C2CD3: variants seen among roughly 807,000 people sequenced by gnomAD.
C2CD3 encodes the protein C2 domain-containing protein 3.
C2CD3 carries 148 observed loss-of-function variants against 234.0 expected under a neutral mutation model. The ratio of observed to expected loss-of-function variants is 0.63; its 90% confidence interval spans 0.55 to 0.72. The LOEUF (loss-of-function observed/expected upper bound fraction) is 0.72, where lower values mean the gene tolerates loss of function less well. Ranked by LOEUF, C2CD3 falls within the 30% of genes least tolerant of loss-of-function variation. The pLI, the probability that C2CD3 is intolerant of heterozygous loss-of-function variation, is 0.00. For missense variants in C2CD3, 2,577 were observed against 2,811.5 expected, an observed-to-expected ratio of 0.92 and a Z score of 1.89; for synonymous variants, 1,000 against 1,035.4, an observed-to-expected ratio of 0.97 and a Z score of 0.66.
chr11:74,139,603 A>T lies in C2CD3; in HGVS notation c.707+2T>A. ...TTGACTGGTATTAGGTATGGTAATTACCTCGGAGTGGTTGATCTACTGCTG... is the reference window on the plus strand; with the variant it reads ...TTGACTGGTATTAGGTATGGTAATTTCCTCGGAGTGGTTGATCTACTGCTG... On this transcript the variant is annotated splice_donor_variant, in intron 4 of 32. Coordinates refer to ENST00000334126, the MANE Select transcript of C2CD3 (RefSeq NM_001286577.2). LOFTEE classifies it high-confidence loss of function. 1 of 1,598,502 alleles carries T rather than the reference A, an allele frequency of 6.3e-7. No homozygotes were observed. Among genetic ancestry groups the T allele is most frequent in the Non-Finnish European group, 8.6e-7 (1 of 1,165,918 alleles).
At chr11:74,114,207 G>C (rs923515025) in intron 10 of C2CD3, among the ~76,000 whole-genome samples, 177 bp downstream of exon 10, 7 of 151,834 alleles carry the variant, frequency 4.6e-5, no homozygotes, top group Admixed American at 4.6e-4. Context: ...ATTTTCTTTA[G>C]TCCCATACTT....
chr11:74,023,954 A>T (rs1293683481), intron 32 of C2CD3, among the ~76,000 whole-genome samples: 1 of 152,224 alleles, frequency 6.6e-6, no homozygotes. Flanking sequence ...ACAACAGTAA[A>T]TCATGAAGCA....
intron 2 of C2CD3, among the ~76,000 whole-genome samples, chr11:74,162,631 A>G (rs983055535): frequency 9.9e-5 from 15 of 152,216 alleles, no homozygotes; most frequent in African/African-American, 3.4e-4. Context: ...TCAAAAGAAC[A>G]ATAAAGATTC....
rs1363290865 is a variant in C2CD3 at position 74,161,637 on chromosome 11, C to T, written c.326-81G>A. Reference sequence around the variant, plus strand: ...TAAGACGTGGGTAGAGGGGTATATGCGGAAAAGCTTTCTAACTTGAAAAAA... The same window carrying T: ...TAAGACGTGGGTAGAGGGGTATATGTGGAAAAGCTTTCTAACTTGAAAAAA... On this transcript the variant is annotated intron_variant, in intron 2 of 32. Transcript: ENST00000334126. The T allele has an allele frequency of 2.1e-5, 18 of 860,306 alleles. No homozygotes were observed. In the East Asian group the frequency reaches 2.3e-4, roughly 11 times the overall value. 53.3% of individuals were successfully genotyped at this position (860,306 alleles called of 1,614,324 possible).
Position 74,051,304 on chromosome 11 carries a change from A to AG in C2CD3, c.5156-1763_5156-1762insC, listed in dbSNP as rs375628503. 1.4e-3 allele frequency among the ~76,000 whole-genome samples: 208 copies of AG among 151,930 alleles called. 4 individuals are homozygous for AG. Among genetic ancestry groups the AG allele is most frequent in the African/African-American group, 4.3e-3 (176 of 41,386 alleles). On this transcript the variant is annotated intron_variant, in intron 26 of 32. Transcript: ENST00000334126. Reference sequence around the variant, plus strand: ...AGTGAGATCTTGTCTCAAAAAAGAAAAAAAAAAAAAGATCCCCTTCAACTT... The same window carrying AG: ...AGTGAGATCTTGTCTCAAAAAAGAAAGAAAAAAAAAAGATCCCCTTCAACTT...
chr11:74,151,471 C>T (rs1216451631), intron 3 of C2CD3, among the ~76,000 whole-genome samples: 1 of 152,044 alleles, frequency 6.6e-6, no homozygotes, highest in African/African-American at 2.4e-5. Context: ...GGATTACAGG[C>T]ACATGCCACC....
At chr11:74,145,057 C>A (rs1015370602) in intron 3 of C2CD3, among the ~76,000 whole-genome samples, 1 of 152,134 alleles carries the variant, frequency 6.6e-6, no homozygotes, top group Non-Finnish European at 1.5e-5. Context: ...GTCCAGATCA[C>A]TTTACTGGCA....
chr11:74,090,632 T>C (rs1304898193), intron 20 of C2CD3, among the ~76,000 whole-genome samples, 181 bp downstream of exon 20: 4 of 152,204 alleles, frequency 2.6e-5, no homozygotes, highest in Non-Finnish European at 5.9e-5. Flanking sequence ...TTGCTAACAG[T>C]TAAAATAGCA....
At chr11:74,165,986 T>C (rs1856778858) in intron 2 of C2CD3, among the ~76,000 whole-genome samples, 1 of 151,878 alleles carries the variant, frequency 6.6e-6, no homozygotes, top group Admixed American at 6.6e-5. Context: ...AGCCACCACG[T>C]TCAGCCTCTT....
chr11:74,153,077 AAC>A (rs1350187113), intron 3 of C2CD3, among the ~76,000 whole-genome samples: 1 of 152,052 alleles, frequency 6.6e-6, no homozygotes, highest in Non-Finnish European at 1.5e-5. Flanking sequence ...AATTTTAAAA[AAC>A]AGTTAGCGTG....
At chr11:74,064,750 C>A (rs1052969306) in intron 24 of C2CD3, among the ~76,000 whole-genome samples, 9 of 152,004 alleles carry the variant, frequency 5.9e-5, no homozygotes, top group African/African-American at 2.2e-4. Context: ...CAGAATAGAG[C>A]CCTCGGAAAT....
chr11:74,123,760 T>C (rs932735842), intron 7 of C2CD3, among the ~76,000 whole-genome samples: 1 of 133,176 alleles, frequency 7.5e-6, no homozygotes, highest in Non-Finnish European at 1.6e-5. Flanking sequence ...TTTTTTGAGG[T>C]GGAGTTTTGC....
rs564657040 is a variant in C2CD3 at position 74,090,801 on chromosome 11, A to C, written c.3641+12T>G. 5 of 1,614,050 alleles carry C rather than the reference A, an allele frequency of 3.1e-6. No individual in the cohort carries two copies. The highest frequency in any genetic ancestry group is 4.2e-6 in the Non-Finnish European group (5 of 1,179,954). On this transcript the variant is annotated intron_variant, in intron 20 of 32. Transcript: ENST00000334126. ...AAAAGGCTTGAGAATTGCTTGTCTC[A>C]GGTGGACTTACTTGGCTGCTGCTTG...
At chr11:74,117,144 A>G (rs1448551577) in intron 9 of C2CD3, among the ~76,000 whole-genome samples, 1 of 10,796 alleles carries the variant, frequency 9.3e-5, no homozygotes, top group Non-Finnish European at 1.7e-4. Flanking sequence ...ATATATATGA[A>G]TATATATATA....
intron 32 of C2CD3, among the ~76,000 whole-genome samples, chr11:74,024,644 G>C (rs1211805470): frequency 6.6e-6 from 1 of 152,184 alleles, no homozygotes; most frequent in African/African-American, 2.4e-5. Flanking sequence ...CCATGGTAAT[G>C]ATTTCAATCT....
In C2CD3 at chr11:74,050,907, T is replaced by C. The variant is rs140186742; in HGVS notation, c.5156-1365A>G. On this transcript the variant is annotated intron_variant, in intron 26 of 32. Coordinates refer to ENST00000334126, the MANE Select transcript of C2CD3 (RefSeq NM_001286577.2). ...GAGCAGTGTGCCACAATAGCAAATC[T>C]AGGTATGGCTTTGACTGGAAAACAT... is the stretch of plus-strand genomic sequence containing the variant. Among the ~76,000 whole-genome samples the C allele has an allele frequency of 7.3e-5, 11 of 151,546 alleles. No homozygotes were observed. In the East Asian group the frequency reaches 2.1e-3, roughly 29 times the overall value.
chr11:74,104,281 T>C (rs1224721150), intron 13 of C2CD3, among the ~76,000 whole-genome samples: 1 of 152,202 alleles, frequency 6.6e-6, no homozygotes, highest in Non-Finnish European at 1.5e-5. Flanking sequence ...TAGATAATCC[T>C]GGACTAGAAA....
At chr11:74,084,428 A>C (rs1251995888) in intron 22 of C2CD3, among the ~76,000 whole-genome samples, 28 of 94,814 alleles carry the variant, frequency 3.0e-4, no homozygotes, top group African/African-American at 1.5e-3. Flanking sequence ...AACTTAAAGT[A>C]TAATAAAAAA....
intron 24 of C2CD3, among the ~76,000 whole-genome samples, chr11:74,064,030 C>T (rs1954383101): frequency 1.3e-5 from 2 of 152,010 alleles, no homozygotes; most frequent in South Asian, 4.2e-4. Flanking sequence ...AGGTATATCT[C>T]CTAATGCTAT....
Sources: allele counts gnomAD v4.1 joint callset (sites outside exome capture counted in the v4.1 genomes callset), GRCh38; gene constraint gnomAD v4.1.1; transcripts MANE v1.5; gene names NCBI Gene and HGNC (gene_info 2026-07-23, HGNC 2026-07-21).